The following PLCH1 variants were observed in gnomAD, a reference collection of about 807,000 sequenced individuals.
PLCH1 encodes 1-phosphatidylinositol 4,5-bisphosphate phosphodiesterase eta-1.
A neutral mutation model predicts 126.7 loss-of-function variants in PLCH1; 60 were observed. The ratio of observed to expected loss-of-function variants is 0.47; its 90% CI spans 0.38 to 0.59. PLCH1 has a LOEUF of 0.59. PLCH1 is among the 20% of genes least tolerant of loss of function. The pLI, the probability that PLCH1 is intolerant of heterozygous loss-of-function variation, is 0.00. For synonymous variants in PLCH1, 719 were observed against 734.9 expected (o/e 0.98, Z 0.35); for missense variants, 1,723 against 2,040.0 (o/e 0.84, Z 2.99).
intron 12 of PLCH1, among the ~76,000 whole-genome samples, chr3:155,511,543 T>C (rs1165501539): frequency 1.5e-5 from 2 of 130,974 alleles, no homozygotes; most frequent in Non-Finnish European, 3.1e-5. Context: ...GGTGTAGATG[T>C]CCTTTCTGGT....
chr3:155,544,112 A>AC (rs1271025967), intron 10 of PLCH1, among the ~76,000 whole-genome samples: 1 of 152,004 alleles, frequency 6.6e-6, no homozygotes, highest in Non-Finnish European at 1.5e-5. Context: ...AACAGTCAAG[A>AC]CCCATCAGTG....
intron 1 of PLCH1, chr3:155,743,541 A>G (rs535774811): frequency 1.2e-4 from 53 of 452,870 alleles, no homozygotes; most frequent in African/African-American, 9.5e-4. Flanking sequence ...CAAAAAAGAA[A>G]AAAAGAAAAA....
At chr3:155,741,900 G>A (rs1416885576) in intron 1 of PLCH1, among the ~76,000 whole-genome samples, 8 of 151,986 alleles carry the variant, frequency 5.3e-5, no homozygotes, top group Non-Finnish European at 1.0e-4. Context: ...CACTTGCCAA[G>A]ACTACAAGTT....
At chr3:155,502,538 G>C (rs545891933) in intron 13 of PLCH1, among the ~76,000 whole-genome samples, 100 of 152,222 alleles carry the variant, frequency 6.6e-4, no homozygotes, top group African/African-American at 2.3e-3. Flanking sequence ...CACATAGTTA[G>C]TAATTTGAGT....
At chr3:155,457,659 A>C (rs1203724636) in intron 21 of PLCH1, 1 of 152,198 alleles carries the variant, frequency 6.6e-6, no homozygotes, top group East Asian at 1.9e-4. Flanking sequence ...ATGTTTCACA[A>C]AATATTTTAT....
intron 2 of PLCH1, among the ~76,000 whole-genome samples, chr3:155,696,659 A>G (rs1745833226): frequency 6.6e-6 from 1 of 152,234 alleles, no homozygotes; most frequent in Non-Finnish European, 1.5e-5. Context: ...CACTTAAAAC[A>G]TGAAAGGTCT....
intron 2 of PLCH1, among the ~76,000 whole-genome samples, chr3:155,680,113 G>A (rs927363017): frequency 2.6e-5 from 4 of 152,170 alleles, no homozygotes; most frequent in Admixed American, 1.3e-4. Context: ...GGCTGGGCGC[G>A]GTGGCTCACG....
intron 21 of PLCH1, among the ~76,000 whole-genome samples, chr3:155,458,443 AAGGAAGGAAG>A (rs1576759442): frequency 0.014 from 1,189 of 82,814 alleles, 18 homozygotes; most frequent in Middle Eastern, 0.018. Flanking sequence ...GGAAGGAAGG[AAGGAAGGAAG>A]GAAAGAAAGA....
At position 155,606,300 on chromosome 3, in the gene PLCH1, G is replaced by A. The variant is rs547514967; in HGVS notation, c.80-9922C>T. Reference sequence around the variant, plus strand: ...CTGGGACTCCTTAGGAAAAACAGAGGAGGAGACCCCGTTTTAGGAAAAAAC... The same window carrying A: ...CTGGGACTCCTTAGGAAAAACAGAGAAGGAGACCCCGTTTTAGGAAAAAAC... On this transcript the variant is annotated intron_variant, in intron 2 of 22. Coordinates refer to ENST00000460012, the MANE Select transcript of PLCH1 (RefSeq NM_014996.4). 8.5e-5 allele frequency among the ~76,000 whole-genome samples: 13 copies of A among 152,258 alleles called. No homozygotes were observed. The South Asian group carries it at 2.7e-3, about 32-fold the overall frequency.
intron 13 of PLCH1, among the ~76,000 whole-genome samples, chr3:155,502,993 C>T (rs1455017337): frequency 3.9e-5 from 6 of 152,172 alleles, no homozygotes; most frequent in Admixed American, 3.3e-4. Context: ...GTAAAGTTCT[C>T]CATCTAATAA....
At chr3:155,542,512 C>G (rs1480362393) in intron 10 of PLCH1, among the ~76,000 whole-genome samples, 2 of 152,164 alleles carry the variant, frequency 1.3e-5, no homozygotes, top group African/African-American at 4.8e-5. Flanking sequence ...ATGTCCCCGT[C>G]TGACAGCTTT....
Position 155,608,584 on chromosome 3 carries a change from G to A in PLCH1, c.80-12206C>T, listed in dbSNP as rs573438269. On this transcript the variant is annotated intron_variant, in intron 2 of 22. Coordinates refer to ENST00000460012, the MANE Select transcript of PLCH1 (RefSeq NM_014996.4). ...GCTTCATGGAAGCTGTGTGAGGCCC[G>A]TCACTGCCAGCTTTCCCCCACTTCT... Among the ~76,000 whole-genome samples the A allele has an allele frequency of 9.9e-5, 15 of 152,160 alleles. No homozygotes were observed. The South Asian group carries it at 1.9e-3, about 19-fold the overall frequency.
intron 2 of PLCH1, among the ~76,000 whole-genome samples, chr3:155,643,398 C>T (rs1739631855): frequency 1.3e-5 from 2 of 152,210 alleles, no homozygotes; most frequent in Non-Finnish European, 2.9e-5. Flanking sequence ...GGTGCAGTCT[C>T]AGCTGATCTG....
intron 8 of PLCH1, among the ~76,000 whole-genome samples, chr3:155,561,691 T>C (rs1181496193): frequency 6.6e-6 from 1 of 152,056 alleles, no homozygotes; most frequent in South Asian, 2.1e-4. Flanking sequence ...TAGTTCTAGA[T>C]CCCTGAGGAA....
At chr3:155,722,350 C>G (rs1290071346) in intron 1 of PLCH1, among the ~76,000 whole-genome samples, 3 of 151,902 alleles carry the variant, frequency 2.0e-5, no homozygotes. Context: ...TCAGTAGAGA[C>G]GGGATTTCTC....
chr3:155,743,813 GCA>G, intron 1 of PLCH1: 1 of 236,874 alleles, frequency 4.2e-6, no homozygotes, highest in South Asian at 4.4e-5. Flanking sequence ...GGGTTAGGAG[GCA>G]CAGATTTGTT....
chr3:155,651,823 C>A (rs1340361700), intron 2 of PLCH1, among the ~76,000 whole-genome samples: 10 of 152,188 alleles, frequency 6.6e-5, no homozygotes, highest in African/African-American at 2.2e-4. Context: ...ATTATTTTCT[C>A]TGAAGTACTA....
At position 155,685,148 on chromosome 3, in the gene PLCH1, T is replaced by C. The variant is rs188663456; in HGVS notation, c.79+18998A>G. 1.7e-3 allele frequency among the ~76,000 whole-genome samples: 259 copies of C among 152,202 alleles called. 1 individual carries two copies. The Middle Eastern group carries it at 0.031, about 18-fold the overall frequency. On this transcript the variant is annotated intron_variant, in intron 2 of 22. Coordinates refer to ENST00000460012, the MANE Select transcript of PLCH1 (RefSeq NM_014996.4). ...ACTCAGATTCTGGATAGTTTTCCAA[T>C]TGTCGGAAGACACTGGGCATAAAGC...
At chr3:155,541,568 A>T (rs1252686722) in intron 10 of PLCH1, among the ~76,000 whole-genome samples, 4 of 152,164 alleles carry the variant, frequency 2.6e-5, no homozygotes, top group African/African-American at 9.7e-5. Context: ...TAGTACACAC[A>T]CAACACTTAT....
Sources: gnomAD v4.1 joint callset for allele counts (sites outside exome capture counted in the v4.1 genomes callset) on GRCh38, gnomAD v4.1.1 for gene constraint, MANE v1.5 for transcripts, NCBI Gene and HGNC (gene_info 2026-07-23, HGNC 2026-07-21) for gene names.